VPS13A: variants seen among roughly 807,000 people sequenced by gnomAD.
The protein encoded by VPS13A is intermembrane lipid transfer protein VPS13A.
In VPS13A, 264 loss-of-function variants were observed where a neutral mutation model predicts 390.9. The ratio of observed to expected loss-of-function variants is 0.68; its 90% confidence interval spans 0.61 to 0.75. The LOEUF (loss-of-function observed/expected upper bound fraction) is 0.75. VPS13A is among the 30% of genes least tolerant of loss of function. The pLI is 0.00. For missense variants in VPS13A, 3,409 were observed against 3,733.9 expected, an observed-to-expected ratio of 0.91 and a Z score of 2.27; for synonymous variants, 1,231 against 1,227.1, an observed-to-expected ratio of 1.00 and a Z score of -0.07.
At chr9:77,377,220 T>TTTTTTG (rs1554675577) in intron 67 of VPS13A, among the ~76,000 whole-genome samples, 3 of 136,030 alleles carry the variant, frequency 2.2e-5, no homozygotes, top group Non-Finnish European at 4.7e-5. Context: ...TTTTTTTTTT[T>TTTTTTG]TTTTTTTTTT....
At chr9:77,361,681 T>C (rs1049319336) in intron 59 of VPS13A, among the ~76,000 whole-genome samples, 1 of 152,142 alleles carries the variant, frequency 6.6e-6, no homozygotes, top group African/African-American at 2.4e-5. Context: ...GTGGAATTGC[T>C]CAATCACATA....
intron 52 of VPS13A, among the ~76,000 whole-genome samples, chr9:77,348,853 G>A (rs898422188): frequency 2.0e-5 from 3 of 152,050 alleles, no homozygotes; most frequent in African/African-American, 4.8e-5. Flanking sequence ...AGTCCAGTAC[G>A]TTTTTGCATA....
chr9:77,238,403 A>G lies in VPS13A; in HGVS notation c.1900+17A>G, dbSNP rs367799822. 75 of 1,545,846 alleles carry G rather than the reference A, an allele frequency of 4.9e-5. No individual in the cohort carries two copies. The highest frequency in any genetic ancestry group is 6.4e-5 in the Non-Finnish European group (72 of 1,117,942). On this transcript the variant is annotated intron_variant, in intron 19 of 71. Coordinates refer to ENST00000360280, the MANE Select transcript of VPS13A (RefSeq NM_033305.3). ...CAGCAACAGGTAAATGCCAATATTAATGTTGGTGAATTAAATACTGTATCC... is the reference window on the plus strand; with the variant it reads ...CAGCAACAGGTAAATGCCAATATTAGTGTTGGTGAATTAAATACTGTATCC...
At chr9:77,315,607 C>A (rs1331927041) in intron 38 of VPS13A, 137 bp downstream of exon 38, 5 of 886,902 alleles carry the variant, frequency 5.6e-6, no homozygotes, top group Middle Eastern at 5.6e-4. Flanking sequence ...AGAAGGAAAA[C>A]CTTAATGTGT....
intron 5 of VPS13A, among the ~76,000 whole-genome samples, chr9:77,208,234 T>C (rs2131136383): frequency 6.6e-6 from 1 of 152,308 alleles, no homozygotes; most frequent in South Asian, 2.1e-4. Flanking sequence ...CTTAATTCTA[T>C]AATCTATTTA....
At chr9:77,258,998 T>C (rs1338937249) in intron 22 of VPS13A, among the ~76,000 whole-genome samples, 2 of 152,124 alleles carry the variant, frequency 1.3e-5, no homozygotes, top group Admixed American at 6.6e-5. Flanking sequence ...GCAGGGAATA[T>C]GTACAGCATA....
At position 77,339,508 on chromosome 9, in the gene VPS13A, TATTAC is replaced by T; in HGVS notation, c.6379-6_6379-2del. On this transcript the variant is annotated splice_region_variant and splice_polypyrimidine_tract_variant and intron_variant, in intron 47 of 71. Coordinates refer to ENST00000360280, the MANE Select transcript of VPS13A (RefSeq NM_033305.3). Reference sequence around the variant, plus strand: ...AATTTTGTTTTGTTTTTTTTTTTTTTATTACAGGGAATTGAAAATTCGGTTTTTAC... The same window carrying T: ...AATTTTGTTTTGTTTTTTTTTTTTTTAGGGAATTGAAAATTCGGTTTTTAC... 1 of 1,530,688 alleles carries T rather than the reference TATTAC, an allele frequency of 6.5e-7. No homozygotes were observed. The highest frequency in any genetic ancestry group is 8.8e-7 in the Non-Finnish European group (1 of 1,139,086). 94.8% of individuals were successfully genotyped at this position (1,530,688 alleles called of 1,614,324 possible). A position where few individuals can be genotyped will look rare whatever the true frequency, so the allele number is the denominator to read the frequency against.
chr9:77,299,887 T>C (rs1237989964), intron 33 of VPS13A, among the ~76,000 whole-genome samples: 1 of 151,878 alleles, frequency 6.6e-6, no homozygotes, highest in Non-Finnish European at 1.5e-5. Flanking sequence ...TGAGAACATA[T>C]GGACACAGGA....
At chr9:77,378,136 G>A (rs1012621171) in intron 67 of VPS13A, among the ~76,000 whole-genome samples, 2 of 152,088 alleles carry the variant, frequency 1.3e-5, no homozygotes, top group African/African-American at 4.8e-5. Context: ...TGATGTCTTT[G>A]CCTGGTATGG....
intron 22 of VPS13A, among the ~76,000 whole-genome samples, chr9:77,252,818 A>G (rs952954733): frequency 2.6e-5 from 4 of 152,182 alleles, no homozygotes; most frequent in African/African-American, 9.7e-5. Flanking sequence ...CATATGTCAG[A>G]ATTTCATGTA....
chr9:77,370,179 C>T (rs541208071), intron 63 of VPS13A, 78 bp from the exon 64 acceptor site: 29 of 1,506,652 alleles, frequency 1.9e-5, no homozygotes, highest in Admixed American at 7.0e-5. Context: ...CTACCTCTTT[C>T]GTCGTATATA....
intron 17 of VPS13A, among the ~76,000 whole-genome samples, chr9:77,236,921 G>A (rs982207598): frequency 4.6e-5 from 7 of 152,120 alleles, no homozygotes; most frequent in Non-Finnish European, 8.8e-5. Flanking sequence ...GTTTTGAGAT[G>A]GAATGCCACT....
intron 67 of VPS13A, among the ~76,000 whole-genome samples, chr9:77,372,399 C>T (rs1357289382): frequency 6.6e-6 from 1 of 152,076 alleles, no homozygotes; most frequent in Non-Finnish European, 1.5e-5. Context: ...TCTCGGATGG[C>T]CAGTGATGAT....
chr9:77,268,556 A>G (rs1269311879), intron 23 of VPS13A, among the ~76,000 whole-genome samples: 1 of 152,084 alleles, frequency 6.6e-6, no homozygotes, highest in Non-Finnish European at 1.5e-5. Flanking sequence ...TTCTGCATTG[A>G]TATTGCCTGG....
At chr9:77,223,622 A>C (rs930149820) in intron 13 of VPS13A, among the ~76,000 whole-genome samples, 20 of 152,184 alleles carry the variant, frequency 1.3e-4, no homozygotes, top group Non-Finnish European at 2.9e-4. Context: ...TCTCTTCAAT[A>C]CTATAAAGAC....
At chr9:77,289,053 A>G (rs1309673466) in intron 31 of VPS13A, among the ~76,000 whole-genome samples, 1 of 151,622 alleles carries the variant, frequency 6.6e-6, no homozygotes, top group African/African-American at 2.4e-5. Flanking sequence ...TGAATGGTCT[A>G]TCTTTTTCTG....
At chr9:77,245,505 G>T (rs995240858) in intron 19 of VPS13A, among the ~76,000 whole-genome samples, 1 of 152,124 alleles carries the variant, frequency 6.6e-6, no homozygotes, top group African/African-American at 2.4e-5. Flanking sequence ...TAAGTTTCAG[G>T]CTAATTGGAT....
intron 60 of VPS13A, among the ~76,000 whole-genome samples, chr9:77,366,014 GCAATA>G (rs1832407178): frequency 1.3e-5 from 2 of 152,026 alleles, no homozygotes; most frequent in Admixed American, 6.5e-5. Context: ...GAGTATATAT[GCAATA>G]CAATACAAAA....
At chr9:77,238,421 C>G (rs372192267) in intron 19 of VPS13A, 35 bp downstream of exon 19, 3 of 1,430,478 alleles carry the variant, frequency 2.1e-6, no homozygotes, top group Non-Finnish European at 3.0e-6. Flanking sequence ...GAATTAAATA[C>G]TGTATCCTAT....
Sources: allele counts gnomAD v4.1 joint callset (sites outside exome capture counted in the v4.1 genomes callset), GRCh38; gene constraint gnomAD v4.1.1; transcripts MANE v1.5; gene names NCBI Gene and HGNC (gene_info 2026-07-23, HGNC 2026-07-21).